IGSF3: variants seen among roughly 807,000 people sequenced by gnomAD.
The protein encoded by IGSF3 is glu-Trp-Ile EWI motif-containing protein 3.
In IGSF3, 23 loss-of-function variants were observed where a neutral mutation model predicts 114.4. The ratio of observed to expected loss-of-function variants is 0.20; its 90% CI spans 0.14 to 0.28. The LOEUF (loss-of-function observed/expected upper bound fraction) is 0.28. Ranked by LOEUF, IGSF3 falls within the 10% of genes least tolerant of loss-of-function variation. The probability of loss-of-function intolerance (pLI) is 1.00; values close to 1 mark genes in which losing one functional copy is unlikely to be tolerated. For synonymous variants in IGSF3, 571 were observed against 645.2 expected (o/e 0.88, Z 1.74); for missense variants, 1,172 against 1,591.5 (o/e 0.74, Z 4.48).
rs1659257062 is a variant in IGSF3 at position 116,574,502 on chromosome 1, C to G, written c.*2810G>C. Reference sequence around the variant, plus strand: ...TAGTTTTCCTTTAAAAAAACAGAAACAAATCAACAGCTCTCTACATCATGC... The same window carrying G: ...TAGTTTTCCTTTAAAAAAACAGAAAGAAATCAACAGCTCTCTACATCATGC... On this transcript the variant is annotated 3_prime_UTR_variant, in exon 11 of 11. Transcript: ENST00000369486. The surrounding 1 kb of genome is among the most constrained non-coding windows in gnomAD (Gnocchi z 5.2). 3 of 152,590 alleles carry G rather than the reference C, an allele frequency of 2.0e-5. No homozygotes were observed. Among genetic ancestry groups the G allele is most frequent in the South Asian group, 2.1e-4 (1 of 4,834 alleles). 9.5% of individuals were successfully genotyped at this position (152,590 alleles called of 1,614,324 possible).
chr1:116,578,224 T>C (rs769304886), intron 10 of IGSF3, among the ~76,000 whole-genome samples: 2 of 152,202 alleles, frequency 1.3e-5, no homozygotes, highest in Non-Finnish European at 2.9e-5. Flanking sequence ...TGGGAGCCCC[T>C]GTTTTCTCTG....
At position 116,595,363 on chromosome 1, in the gene IGSF3, A is replaced by G. The variant is rs1387596866; in HGVS notation, c.2029+4578T>C. Among the ~76,000 whole-genome samples the G allele has an allele frequency of 6.6e-6, 1 of 152,140 alleles. No homozygotes were observed. The highest frequency in any genetic ancestry group is 6.5e-5 in the Admixed American group (1 of 15,282). ...AGGCAGAAGCCACCTGGGATGGAAG[A>G]AGGAGAACCCCAGACTCCCCTGAAA... On this transcript the variant is annotated intron_variant, in intron 7 of 10. Transcript: ENST00000369486. This position sits in a 1 kb window ranked among gnomAD's most constrained non-coding sequence, Gnocchi z 4.2.
intron 7 of IGSF3, among the ~76,000 whole-genome samples, chr1:116,597,577 A>G (rs1395116440): frequency 6.6e-6 from 1 of 152,196 alleles, no homozygotes; most frequent in African/African-American, 2.4e-5. Context: ...GCCTCTTAAC[A>G]GCCCAAGTAC....
In IGSF3 at chr1:116,582,980, G is replaced by A. The variant is rs116033799; in HGVS notation, c.2848+1665C>T. ...CCAGGCTTGCTCACAGGGTTGAACA[G>A]GAGGCAGACACAAGGCTAACGGTTC... is the stretch of plus-strand genomic sequence containing the variant. On this transcript the variant is annotated intron_variant, in intron 9 of 10. Transcript: ENST00000369486. The surrounding 1 kb of genome is among the most constrained non-coding windows in gnomAD (Gnocchi z 4.7). Among the ~76,000 whole-genome samples, 504 of 152,346 alleles carry A rather than the reference G, an allele frequency of 3.3e-3. 2 individuals are homozygous for A. The highest frequency in any genetic ancestry group is 0.012 in the African/African-American group (486 of 41,584).
intron 4 of IGSF3, among the ~76,000 whole-genome samples, chr1:116,608,632 C>T (rs546444192): frequency 2.6e-5 from 4 of 152,300 alleles, no homozygotes; most frequent in Middle Eastern, 3.4e-3. Flanking sequence ...TTAGATGAGA[C>T]CCCCAGGTCA....
intron 5 of IGSF3, chr1:116,606,481 G>A (rs372479081): frequency 1.2e-5 from 20 of 1,610,056 alleles, no homozygotes; most frequent in Admixed American, 5.0e-5. Context: ...GTTGTTCTTC[G>A]GCAGACTTAC....
At chr1:116,620,797 G>C (rs1248991389) in intron 2 of IGSF3, among the ~76,000 whole-genome samples, 2 of 152,228 alleles carry the variant, frequency 1.3e-5, no homozygotes. Context: ...CTAGAGTGCA[G>C]TGGTGCAATC....
chr1:116,593,954 T>C lies in IGSF3; in HGVS notation c.2030-4850A>G, dbSNP rs141995275. Reference sequence around the variant, plus strand: ...CCTCGTGTCCTGTGTGACTTTCGAATGACATTCATATGGGCAAAAATTATG... The same window carrying C: ...CCTCGTGTCCTGTGTGACTTTCGAACGACATTCATATGGGCAAAAATTATG... On this transcript the variant is annotated intron_variant, in intron 7 of 10. Transcript: ENST00000369486. This position sits in a 1 kb window ranked among gnomAD's most constrained non-coding sequence, Gnocchi z 4.5. 0.01 allele frequency among the ~76,000 whole-genome samples: 1,574 copies of C among 152,384 alleles called. 26 individuals are homozygous for C. The highest frequency in any genetic ancestry group is 0.036 in the African/African-American group (1,490 of 41,592).
At chr1:116,641,941 T>C (rs1443594542) in intron 2 of IGSF3, among the ~76,000 whole-genome samples, 3 of 152,012 alleles carry the variant, frequency 2.0e-5, no homozygotes, top group Non-Finnish European at 2.9e-5. Flanking sequence ...TTCAAACTCC[T>C]GAGTTTTTTT....
chr1:116,630,706 G>A (rs141271817), intron 2 of IGSF3, among the ~76,000 whole-genome samples: 3,477 of 152,314 alleles, frequency 0.023, 60 homozygotes, highest in Non-Finnish European at 0.037. Context: ...GCGGCAAAGC[G>A]TGGCACTGTG....
At chr1:116,580,502 G>C (rs1201684815) in intron 9 of IGSF3, among the ~76,000 whole-genome samples, 2 of 152,216 alleles carry the variant, frequency 1.3e-5, no homozygotes, top group Non-Finnish European at 1.5e-5. Context: ...GGCTGAGTGA[G>C]ACCCTAATCC....
At chr1:116,620,832 C>T (rs200012549) in intron 2 of IGSF3, among the ~76,000 whole-genome samples, 1 of 152,164 alleles carries the variant, frequency 6.6e-6, no homozygotes, top group Non-Finnish European at 1.5e-5. Context: ...CCTTGACCTC[C>T]GAGGCTCAAG....
intron 6 of IGSF3, among the ~76,000 whole-genome samples, chr1:116,601,764 T>G (rs1660599823): frequency 6.6e-6 from 1 of 152,196 alleles, no homozygotes; most frequent in Non-Finnish European, 1.5e-5. Context: ...AGGCCCATCC[T>G]TAAACATGAA....
chr1:116,661,607 G>A lies in IGSF3; in HGVS notation c.43+4677C>T, dbSNP rs919443884. On this transcript the variant is annotated intron_variant, in intron 2 of 10. Transcript: ENST00000369486. The surrounding 1 kb of genome is among the most constrained non-coding windows in gnomAD (Gnocchi z 4.0). ...CAGAGGCTCGGCTTCAGAGTCAAAC[G>A]GAATAGCTTATTAGATGTAAGAACA... Among the ~76,000 whole-genome samples, 5 of 152,248 alleles carry A rather than the reference G, an allele frequency of 3.3e-5. No homozygotes were observed. Among genetic ancestry groups the A allele is most frequent in the East Asian group, 1.9e-4 (1 of 5,180 alleles).
At chr1:116,653,522 G>GGAA (rs1305821981) in intron 2 of IGSF3, among the ~76,000 whole-genome samples, 1 of 152,174 alleles carries the variant, frequency 6.6e-6, no homozygotes, top group Non-Finnish European at 1.5e-5. Flanking sequence ...TGTGGTAGGG[G>GGAA]GAAGAGTGGG....
At position 116,582,820 on chromosome 1, in the gene IGSF3, A is replaced by G. The variant is rs539819686; in HGVS notation, c.2848+1825T>C. On this transcript the variant is annotated intron_variant, in intron 9 of 10. Coordinates refer to ENST00000369486, the MANE Select transcript of IGSF3 (RefSeq NM_001007237.3). This position sits in a 1 kb window ranked among gnomAD's most constrained non-coding sequence, Gnocchi z 4.7. ...ATACACCAAATTATTAATAGTAGAT[A>G]TTTGTAGGCCGTGAGATTATGGCTA... is the stretch of plus-strand genomic sequence containing the variant. Among the ~76,000 whole-genome samples the G allele has an allele frequency of 2.9e-4, 44 of 152,346 alleles. No individual in the cohort carries two copies. Among genetic ancestry groups the G allele is most frequent in the African/African-American group, 1.1e-3 (44 of 41,578 alleles).
Position 116,615,875 on chromosome 1 carries a change from C to T in IGSF3, c.421+205G>A, listed in dbSNP as rs61786653. Among the ~76,000 whole-genome samples, 1 of 152,208 alleles carries T rather than the reference C, an allele frequency of 6.6e-6. No homozygotes were observed. Among genetic ancestry groups the T allele is most frequent in the Non-Finnish European group, 1.5e-5 (1 of 68,036 alleles). On this transcript the variant is annotated intron_variant, in intron 3 of 10. Coordinates refer to ENST00000369486, the MANE Select transcript of IGSF3 (RefSeq NM_001007237.3). The surrounding 1 kb of genome is among the most constrained non-coding windows in gnomAD (Gnocchi z 4.3). ...TGAAATTCTTAACATCTGCATTAGACCTTTTTAAAGTTTCACCCTCAACCA... is the reference window on the plus strand; with the variant it reads ...TGAAATTCTTAACATCTGCATTAGATCTTTTTAAAGTTTCACCCTCAACCA...
chr1:116,643,693 G>A (rs1648212230), intron 2 of IGSF3, among the ~76,000 whole-genome samples: 1 of 152,214 alleles, frequency 6.6e-6, no homozygotes, highest in South Asian at 2.1e-4. Flanking sequence ...CCATGCTCAG[G>A]TGTCTACGGG....
Position 116,625,069 on chromosome 1 carries a change from CT to C in IGSF3, c.44-8613del. On this transcript the variant is annotated intron_variant, in intron 2 of 10. Transcript: ENST00000369486. This position sits in a 1 kb window ranked among gnomAD's most constrained non-coding sequence, Gnocchi z 4.7. The stretch of plus-strand genomic sequence containing the variant: ...ATAACAAAATTGTTGTTTTAAGCCA[CT>C]GAGGTTTGGAAACATTTGTTACATA... 6.6e-6 allele frequency among the ~76,000 whole-genome samples: 1 copy of C among 152,360 alleles called. No homozygotes were observed. Among genetic ancestry groups the C allele is most frequent in the Non-Finnish European group, 1.5e-5 (1 of 68,038 alleles).
Sources: allele counts gnomAD v4.1 joint callset (sites outside exome capture counted in the v4.1 genomes callset), GRCh38; gene constraint gnomAD v4.1.1; non-coding constraint Gnocchi (gnomAD v3.1); transcripts MANE v1.5; gene names NCBI Gene and HGNC (gene_info 2026-07-23, HGNC 2026-07-21).